QNG1: variants seen among roughly 807,000 people sequenced by gnomAD.
The protein encoded by QNG1 is queuosine 5'-phosphate N-glycosylase/hydrolase.
chr9:83,955,231 G>A, the QNG1 span: 1 of 817,444 alleles, frequency 1.2e-6, no homozygotes, highest in Non-Finnish European at 1.9e-6. Flanking sequence ...CATAAGAAAT[G>A]ACTTTGAAAC....
At chr9:83,952,184 G>C in the QNG1 span, among the ~76,000 whole-genome samples, 1 of 151,530 alleles carries the variant, frequency 6.6e-6, no homozygotes, top group Non-Finnish European at 1.5e-5. Flanking sequence ...GGAGTCTCAC[G>C]TGTTGTCCAG....
At chr9:83,943,241 G>A in the QNG1 span, among the ~76,000 whole-genome samples, 3 of 149,854 alleles carry the variant, frequency 2.0e-5, no homozygotes, top group Non-Finnish European at 4.4e-5. Flanking sequence ...TCAGGAGGCC[G>A]AGGCAGGAGA....
the QNG1 span, chr9:83,953,946 G>C: frequency 1.3e-6 from 1 of 749,988 alleles, no homozygotes; most frequent in Non-Finnish European, 2.2e-6. Context: ...CTAGGCTGGA[G>C]TGCAGTGGTG....
the QNG1 span, chr9:83,945,035 T>C: frequency 7.2e-7 from 1 of 1,396,180 alleles, no homozygotes. Flanking sequence ...ATCTGAAAGC[T>C]TTATATATGC....
At chr9:83,945,625 G>A in the QNG1 span, among the ~76,000 whole-genome samples, 169 of 151,630 alleles carry the variant, frequency 1.1e-3, no homozygotes, top group African/African-American at 3.7e-3. Flanking sequence ...TTTTTGAGAC[G>A]GAGTCTTGCT....
chr9:83,953,112 T>C, the QNG1 span, among the ~76,000 whole-genome samples: 1 of 151,254 alleles, frequency 6.6e-6, no homozygotes, highest in Admixed American at 6.6e-5. Context: ...CTACTAAAAA[T>C]ACAAAATTAG....
the QNG1 span, among the ~76,000 whole-genome samples, chr9:83,950,596 C>CTTTTTTTTTT: frequency 2.5e-5 from 3 of 118,324 alleles, no homozygotes; most frequent in Non-Finnish European, 3.5e-5. Flanking sequence ...CTTTTCTTTT[C>CTTTTTTTTTT]TTTTTTTTTT....
At chr9:83,939,461 A>T in the QNG1 span, 1 of 1,201,276 alleles carries the variant, frequency 8.3e-7, no homozygotes, top group African/African-American at 1.5e-5. Context: ...TGTACAGATG[A>T]TATGATATAA....
At chr9:83,939,647 A>G in the QNG1 span, 25 of 1,614,064 alleles carry the variant, frequency 1.5e-5, no homozygotes, top group Non-Finnish European at 1.9e-5. Context: ...CTTTTGTTCA[A>G]TAAGCTCCAG....
the QNG1 span, among the ~76,000 whole-genome samples, chr9:83,950,340 G>C: frequency 1.2e-4 from 18 of 151,984 alleles, no homozygotes; most frequent in Non-Finnish European, 2.1e-4. Flanking sequence ...GAGCCACCAC[G>C]CCTGGCCATC....
chr9:83,956,257 G>A, the QNG1 span: 1 of 1,614,110 alleles, frequency 6.2e-7, no homozygotes, highest in Non-Finnish European at 8.5e-7. Context: ...TGCTCGTCCT[G>A]CTCCGACCAA....
chr9:83,955,806 A>C, the QNG1 span, among the ~76,000 whole-genome samples: 4 of 152,214 alleles, frequency 2.6e-5, no homozygotes, highest in African/African-American at 9.6e-5. Flanking sequence ...CTACTTGTTC[A>C]TCTGTACTTA....
chr9:83,946,105 G>A, the QNG1 span, among the ~76,000 whole-genome samples: 1 of 151,894 alleles, frequency 6.6e-6, no homozygotes, highest in African/African-American at 2.4e-5. Context: ...AGGAGTTCGA[G>A]ACCAGCCTGG....
the QNG1 span, chr9:83,939,550 T>C: frequency 6.2e-7 from 1 of 1,614,070 alleles, no homozygotes; most frequent in East Asian, 2.2e-5. Flanking sequence ...ACGGAATTCC[T>C]TTCATATCTT....
At chr9:83,943,724 T>C in the QNG1 span, among the ~76,000 whole-genome samples, 1 of 152,116 alleles carries the variant, frequency 6.6e-6, no homozygotes, top group East Asian at 1.9e-4. Context: ...ATCTACTTCT[T>C]TTAAAAAAAT....
chr9:83,956,593 A>C, the QNG1 span: 1 of 1,078,988 alleles, frequency 9.3e-7, no homozygotes, highest in South Asian at 1.6e-5. Context: ...CCGCGCGATC[A>C]CAGGGCCTAA....
At chr9:83,940,578 T>C in the QNG1 span, among the ~76,000 whole-genome samples, 4 of 152,126 alleles carry the variant, frequency 2.6e-5, no homozygotes, top group Non-Finnish European at 4.4e-5. Flanking sequence ...AGATGCAAAC[T>C]GTAGTGAGCG....
chr9:83,953,333 A>T, the QNG1 span, among the ~76,000 whole-genome samples: 59 of 152,034 alleles, frequency 3.9e-4, no homozygotes, highest in Admixed American at 3.9e-3. Flanking sequence ...GAACACACTA[A>T]TACAATTGAA....
chr9:83,955,678 T>C, the QNG1 span: 1 of 1,589,728 alleles, frequency 6.3e-7, no homozygotes, highest in African/African-American at 1.3e-5. Context: ...ACCAATGTCA[T>C]ACTTCCATAT....
Sources: gnomAD v4.1 joint callset for allele counts (sites outside exome capture counted in the v4.1 genomes callset) on GRCh38, gnomAD v4.1.1 for gene constraint, MANE v1.5 for transcripts, NCBI Gene and HGNC (gene_info 2026-07-23, HGNC 2026-07-21) for gene names.